The following C13orf42 variants were observed in gnomAD, a reference collection of about 807,000 sequenced individuals.
C13orf42 encodes the protein uncharacterized protein C13orf42.
At chr13:51,115,200 C>T (rs988862157), upstream of C13orf42, among the ~76,000 whole-genome samples, 1 of 152,096 alleles carries the variant, frequency 6.6e-6, no homozygotes, top group African/African-American at 2.4e-5. Context: ...ATTCAAGGGG[C>T]CTTTCATCCT....
chr13:51,152,153 C>A (rs1176850486), intron 1 of C13orf42, among the ~76,000 whole-genome samples: 1 of 152,112 alleles, frequency 6.6e-6, no homozygotes, highest in Non-Finnish European at 1.5e-5. Context: ...ACATATGTAA[C>A]CCTGATAGCA....
intron 1 of C13orf42, among the ~76,000 whole-genome samples, chr13:51,138,904 A>G (rs1186522631): frequency 1.3e-5 from 2 of 152,252 alleles, no homozygotes; most frequent in Admixed American, 6.5e-5. Flanking sequence ...ATATATACAT[A>G]AGGAAATCAT....
chr13:51,111,002 G>A lies in C13orf42; in HGVS notation c.208C>T (p.Arg70Trp), dbSNP rs369560520. The change falls in exon 1 of 4, where the codon CGG (arginine) becomes TGG (tryptophan). Residue 70 changes from arginine (R) to tryptophan (W), a missense_variant. Transcript: ENST00000563710. ...ATCCACGCCCGGTCCTCCTCCTGCC[G>A]CAGGTAGTACAGGCTGGTGTCCATG... ...SSMDTSLYYL[R>W]QEEDRAWMYS... is the part of the protein sequence containing the mutation. 7.9e-4 allele frequency: 314 copies of A among 398,656 alleles called. 2 individuals carry two copies. The highest frequency in any genetic ancestry group is 5.4e-3 in the African/African-American group (265 of 48,744). The allele number at this position is 398,656 out of a possible 1,614,324, so 24.7% of individuals were successfully genotyped here. A position where few individuals can be genotyped will look rare whatever the true frequency, so the allele number is the denominator to read the frequency against.
At chr13:51,168,904 C>A (rs890798682) in intron 1 of C13orf42, among the ~76,000 whole-genome samples, 3 of 152,134 alleles carry the variant, frequency 2.0e-5, no homozygotes, top group African/African-American at 7.2e-5. Context: ...CTAAGATAAG[C>A]CTCTTTCCTC....
Position 51,083,119 on chromosome 13 carries a change from C to G in C13orf42, c.*1032G>C, listed in dbSNP as rs890747551. Reference sequence around the variant, plus strand: ...TTCTGCCCAAAGACCCTTATACATGCACAGACTGGTTTACAAGAAAATGCC... The same window carrying G: ...TTCTGCCCAAAGACCCTTATACATGGACAGACTGGTTTACAAGAAAATGCC... On this transcript the variant is annotated 3_prime_UTR_variant, in exon 4 of 4. Coordinates refer to ENST00000563710, the MANE Select transcript of C13orf42 (RefSeq NM_001351589.3). 6.6e-6 allele frequency: 1 copy of G among 152,088 alleles called. No homozygotes were observed. Among genetic ancestry groups the G allele is most frequent in the Non-Finnish European group, 1.5e-5 (1 of 68,032 alleles). 9.4% of individuals were successfully genotyped at this position (152,088 alleles called of 1,614,324 possible). A position where few individuals can be genotyped will look rare whatever the true frequency, so the allele number is the denominator to read the frequency against.
intron 1 of C13orf42, among the ~76,000 whole-genome samples, chr13:51,089,156 A>C (rs1231858560): frequency 1.3e-5 from 2 of 152,238 alleles, no homozygotes; most frequent in Non-Finnish European, 2.9e-5. Context: ...TATGATTTAT[A>C]GACTGGTGTG....
chr13:51,143,076 A>G (rs570453838), intron 1 of C13orf42, among the ~76,000 whole-genome samples: 83 of 152,218 alleles, frequency 5.5e-4, no homozygotes, highest in Non-Finnish European at 9.7e-4. Flanking sequence ...CTTCCTGTAT[A>G]TGCTTTTAAA....
chr13:51,110,735 AC>A, intron 1 of C13orf42, 60 bp downstream of exon 1: 1 of 397,972 alleles, frequency 2.5e-6, no homozygotes, highest in Non-Finnish European at 4.4e-6. Flanking sequence ...AAGCTTTCAA[AC>A]AGTTGCCCAA....
chr13:51,128,788 A>G (rs1412260022), intron 1 of C13orf42, among the ~76,000 whole-genome samples: 1 of 152,186 alleles, frequency 6.6e-6, no homozygotes, highest in Non-Finnish European at 1.5e-5. Context: ...AATATTAGGG[A>G]AAGTTATAGG....
chr13:51,083,032 T>C lies in C13orf42; in HGVS notation c.*1119A>G, dbSNP rs1566120572. ...TTAGCCTAGAACATCCTTGGCTTAATTCAAATGATTGTGGTTTTCTTTGTT... is the reference window on the plus strand; with the variant it reads ...TTAGCCTAGAACATCCTTGGCTTAACTCAAATGATTGTGGTTTTCTTTGTT... On this transcript the variant is annotated 3_prime_UTR_variant, in exon 4 of 4. Transcript: ENST00000563710. The C allele has an allele frequency of 6.6e-6, 1 of 152,290 alleles. No individual in the cohort carries two copies. Among genetic ancestry groups the C allele is most frequent in the Non-Finnish European group, 1.5e-5 (1 of 68,066 alleles). The allele number at this position is 152,290 out of a possible 1,614,324, so 9.4% of individuals were successfully genotyped here.
At position 51,153,630 on chromosome 13, in the gene C13orf42, C is replaced by CTT. The variant is rs1206289963; in HGVS notation, n.136+18621_136+18622dup. Among the ~76,000 whole-genome samples the CTT allele has an allele frequency of 3.1e-3, 255 of 81,270 alleles. 14 individuals carry two copies. The highest frequency in any genetic ancestry group is 3.7e-3 in the Non-Finnish European group (153 of 41,588). The allele number at this position is 81,270 out of a possible 152,430, so 53.3% of individuals were successfully genotyped here. ...CATTTTCTTGCTTTCTGTTTTTTTT[C>CTT]TTTTTTTTTTTTTTTTTTTTTTTTT... On this transcript the variant is annotated intron_variant and non_coding_transcript_variant, in intron 1 of 4. Coordinates refer to the C13orf42 transcript ENST00000433280.
At chr13:51,157,270 C>T (rs1953831254) in intron 1 of C13orf42, among the ~76,000 whole-genome samples, 1 of 152,082 alleles carries the variant, frequency 6.6e-6, no homozygotes, top group African/African-American at 2.4e-5. Context: ...CCCATCCCTA[C>T]TAAAAATACA....
chr13:51,136,798 G>C (rs1953661343), intron 1 of C13orf42, among the ~76,000 whole-genome samples: 1 of 152,226 alleles, frequency 6.6e-6, no homozygotes, highest in South Asian at 2.1e-4. Flanking sequence ...AGAAGCCAGA[G>C]GTGCTGAGGA....
At chr13:51,150,338 T>C (rs1482715438) in intron 1 of C13orf42, among the ~76,000 whole-genome samples, 4 of 152,212 alleles carry the variant, frequency 2.6e-5, no homozygotes, top group African/African-American at 9.6e-5. Flanking sequence ...CAGCGTATCC[T>C]ACTGGGGCGA....
At chr13:51,125,122 C>T (rs1206480246) in intron 1 of C13orf42, among the ~76,000 whole-genome samples, 1 of 152,150 alleles carries the variant, frequency 6.6e-6, no homozygotes, top group East Asian at 1.9e-4. Context: ...CCTGCCTTGC[C>T]TCTCCATTCA....
intron 1 of C13orf42, among the ~76,000 whole-genome samples, chr13:51,159,379 G>T (rs189267349): frequency 1.2e-3 from 180 of 152,304 alleles, no homozygotes; most frequent in Non-Finnish European, 1.7e-3. Flanking sequence ...GGGATAGAAT[G>T]ACAAGAAAAT....
chr13:51,094,876 T>C (rs1953216510), intron 1 of C13orf42, among the ~76,000 whole-genome samples: 1 of 152,184 alleles, frequency 6.6e-6, no homozygotes, highest in Non-Finnish European at 1.5e-5. Flanking sequence ...TCCCATGTGT[T>C]ATGGGAAGGA....
chr13:51,135,807 C>T (rs953303240), intron 1 of C13orf42, among the ~76,000 whole-genome samples: 2 of 152,192 alleles, frequency 1.3e-5, no homozygotes, highest in Non-Finnish European at 2.9e-5. Flanking sequence ...CCTACCCTGG[C>T]CTGGTCAGAG....
intron 1 of C13orf42, among the ~76,000 whole-genome samples, chr13:51,128,590 A>C (rs1282880352): frequency 1.3e-5 from 2 of 152,224 alleles, no homozygotes; most frequent in Non-Finnish European, 2.9e-5. Flanking sequence ...TTTGAGACTC[A>C]GCATAGGAAG....
Sources: gnomAD v4.1 joint callset for allele counts (sites outside exome capture counted in the v4.1 genomes callset) on GRCh38, gnomAD v4.1.1 for gene constraint, MANE v1.5 for transcripts, NCBI Gene and HGNC (gene_info 2026-07-23, HGNC 2026-07-21) for gene names.